The following FOXRED2 variants were observed in gnomAD, a reference collection of about 807,000 sequenced individuals.
The protein encoded by FOXRED2 is FAD-dependent oxidoreductase domain-containing protein 2.
Under a neutral mutation model 52.5 loss-of-function variants are expected in FOXRED2, and 32 were observed. That is an observed-to-expected ratio of 0.61 (90% CI 0.46 to 0.82). The LOEUF (loss-of-function observed/expected upper bound fraction) is 0.82, where lower values mean the gene tolerates loss of function less well. Ranked by LOEUF, FOXRED2 falls within the 40% of genes least tolerant of loss-of-function variation. The pLI is 0.00. For missense variants in FOXRED2, 848 were observed against 937.5 expected (o/e 0.90, Z 1.25); for synonymous variants, 405 against 398.1 (o/e 1.02, Z -0.21).
chr22:36,492,346 C>T (rs886140390), intron 8 of FOXRED2, among the ~76,000 whole-genome samples: 5 of 152,168 alleles, frequency 3.3e-5, no homozygotes, highest in African/African-American at 4.8e-5. Context: ...GCCAGCTGGC[C>T]GCCTGCTGGG....
Position 36,504,322 on chromosome 22 carries a change from C to G in FOXRED2, c.825G>C (p.Leu275=). ...TCAGGTCAGACTCGAGCAGCCCGTC[C>G]AGGGACTTGAGCTGGTAGGTATCCA... The part of the protein sequence containing the change: ...GLLDTYQLKS[L]DGLLESDLTD... The change falls in exon 4 of 9, where the codon CTG becomes CTC. Residue 275 remains leucine (L), a synonymous_variant. Coordinates refer to ENST00000397224, the MANE Select transcript of FOXRED2 (RefSeq NM_001102371.2). 6.2e-7 allele frequency: 1 copy of G among 1,614,146 alleles called. No homozygotes were observed. The highest frequency in any genetic ancestry group is 8.5e-7 in the Non-Finnish European group (1 of 1,180,042).
At chr22:36,500,790 C>T (rs902450306) in intron 5 of FOXRED2, among the ~76,000 whole-genome samples, 1 of 151,936 alleles carries the variant, frequency 6.6e-6, no homozygotes, top group Non-Finnish European at 1.5e-5. Flanking sequence ...CGCCGTGTTG[C>T]CCAGGCTGGT....
rs1934145371 is a variant in FOXRED2, at chr22:36,504,617, A to G, written c.677T>C (p.Phe226Ser). 1 of 1,614,068 alleles carries G rather than the reference A, an allele frequency of 6.2e-7. No homozygotes were observed. The highest frequency in any genetic ancestry group is 1.3e-5 in the African/African-American group (1 of 74,924). ...VLILGRGNSA[F>S]ETAENILGVT... ...ACCCAAGATGTTCTCTGCTGTCTCA[A>G]AGGCCGAGTTCCCACGACCCAGGAT... The change falls in exon 3 of 9, where the codon TTT becomes TCT. Residue 226 changes from phenylalanine to serine, a missense_variant. Physicochemically the swap from Phe to Ser is radical, Grantham distance 155 (BLOSUM62 -2). Coordinates refer to ENST00000397224, the MANE Select transcript of FOXRED2 (RefSeq NM_001102371.2).
rs138743624 is a variant in FOXRED2, at chr22:36,498,064, C to G, written c.1309G>C (p.Val437Leu). Residue 437 changes from valine (V) to leucine (L), a missense_variant, in exon 6 of 9, where the codon GTG (valine) becomes CTG (leucine). Transcript: ENST00000397224. ...LPITQLTSSI[V>L]RRVNEASGLY... The stretch of plus-strand genomic sequence containing the variant: ...CCAGAAGCCTCATTCACGCGCCGCA[C>G]GATGGAGCTGGTCAGCTGTGTGATG... The G allele has an allele frequency of 1.9e-6, 3 of 1,614,046 alleles. No individual in the cohort carries two copies. Among genetic ancestry groups the G allele is most frequent in the East Asian group, 4.5e-5 (2 of 44,884 alleles).
At chr22:36,497,849 C>T in intron 6 of FOXRED2, 142 bp downstream of exon 6, 1 of 892,940 alleles carries the variant, frequency 1.1e-6, no homozygotes, top group South Asian at 1.7e-5. Context: ...CATTGTTTTT[C>T]CCCAGAACAG....
intron 8 of FOXRED2, among the ~76,000 whole-genome samples, chr22:36,493,228 G>A (rs1173972460): frequency 1.3e-5 from 2 of 152,140 alleles, no homozygotes; most frequent in Non-Finnish European, 2.9e-5. Flanking sequence ...GGATCACGAG[G>A]TCAGTTCGAG....
intron 7 of FOXRED2, 128 bp downstream of exon 7, chr22:36,495,839 G>T: frequency 9.7e-7 from 1 of 1,033,824 alleles, no homozygotes; most frequent in Non-Finnish European, 1.4e-6. Context: ...GTGGTCTCTA[G>T]GCAGAGTCCC....
Position 36,488,087 on chromosome 22 carries a change from A to T in FOXRED2, c.*1921T>A, listed in dbSNP as rs1603491429. The stretch of plus-strand genomic sequence containing the variant: ...AGCCTGGGTGACAAGAGCGAAATCC[A>T]TTGCAAAAAAAAAAAAAAAGAAAAA... On this transcript the variant is annotated 3_prime_UTR_variant, in exon 9 of 9. Transcript: ENST00000397224. 1 of 89,874 alleles carries T rather than the reference A, an allele frequency of 1.1e-5. No homozygotes were observed. The highest frequency in any genetic ancestry group is 2.8e-4 in the South Asian group (1 of 3,520). 5.6% of individuals were successfully genotyped at this position (89,874 alleles called of 1,614,324 possible).
intron 8 of FOXRED2, among the ~76,000 whole-genome samples, chr22:36,492,358 G>A (rs1933779046): frequency 6.6e-6 from 1 of 152,190 alleles, no homozygotes; most frequent in Non-Finnish European, 1.5e-5. Context: ...CCTGCTGGGC[G>A]GATTCTCTCC....
intron 8 of FOXRED2, among the ~76,000 whole-genome samples, chr22:36,492,744 C>G (rs1000195269): frequency 1.3e-5 from 2 of 152,176 alleles, no homozygotes; most frequent in African/African-American, 4.8e-5. Context: ...TCTCGAACTC[C>G]TGACCTCAGG....
chr22:36,502,778 C>A (rs1934090796), intron 4 of FOXRED2, among the ~76,000 whole-genome samples: 1 of 152,060 alleles, frequency 6.6e-6, no homozygotes, highest in Admixed American at 6.6e-5. Flanking sequence ...CTGCAACCTC[C>A]ACCTCCCAGG....
chr22:36,495,879 T>C, intron 7 of FOXRED2, 88 bp downstream of exon 7: 2 of 1,436,562 alleles, frequency 1.4e-6, no homozygotes. Context: ...GCTGAGCATG[T>C]GTGTGAAGGT....
Position 36,504,766 on chromosome 22 carries a change from G to A in FOXRED2, c.528C>T (p.Ser176=), listed in dbSNP as rs756611081. The A allele has an allele frequency of 6.2e-6, 10 of 1,613,842 alleles. No homozygotes were observed. The highest frequency in any genetic ancestry group is 2.7e-5 in the African/African-American group (2 of 74,920). The change falls in exon 3 of 9, where the codon AGC becomes AGT. Residue 176 remains serine, a splice_region_variant and synonymous_variant. Transcript: ENST00000397224. ...ATAAACCAGTGGCTACAAAGAGGAC[G>A]CTGCAGGCGGGGACAGAGGAAAGAT... is the stretch of plus-strand genomic sequence containing the variant. ...TDQKGQVHQC[S]VLFVATGLSV...
At chr22:36,495,341 C>T in intron 7 of FOXRED2, among the ~76,000 whole-genome samples, 1 of 152,280 alleles carries the variant, frequency 6.6e-6, no homozygotes, top group South Asian at 2.1e-4. Flanking sequence ...GGGAACAACC[C>T]CTGTTTAAAC....
chr22:36,506,494 G>T (rs1934204741), intron 1 of FOXRED2, 71 bp from the exon 2 acceptor site: 1 of 1,346,680 alleles, frequency 7.4e-7, no homozygotes, highest in Non-Finnish European at 9.7e-7. Flanking sequence ...CCAGAAAGAG[G>T]CGGGGCCTGC....
chr22:36,490,241 G>A lies in FOXRED2; in HGVS notation c.1822C>T (p.Arg608Cys), dbSNP rs202049182. The A allele has an allele frequency of 9.9e-6, 16 of 1,611,724 alleles. No homozygotes were observed. Among genetic ancestry groups the A allele is most frequent in the African/African-American group, 4.0e-5 (3 of 75,014 alleles). ...TGGCAAAAGGGTGGCAACTTCTGGC[G>A]CGTGAGGGCGAACAGGAAGCAGGAC... ...AESCFLFALT[R>C]QKLPPFCQQG... Residue 608 changes from arginine to cysteine, a missense_variant, in exon 9 of 9, where the codon CGC (arginine) becomes TGC (cysteine). Arg to Cys is a radical substitution (Grantham distance 180, BLOSUM62 -3). Transcript: ENST00000397224.
chr22:36,499,588 T>C (rs993357494), intron 5 of FOXRED2, among the ~76,000 whole-genome samples: 1 of 152,116 alleles, frequency 6.6e-6, no homozygotes, highest in African/African-American at 2.4e-5. Flanking sequence ...ATGGCGCCAT[T>C]GTACTCCAGC....
intron 5 of FOXRED2, among the ~76,000 whole-genome samples, chr22:36,499,990 G>C (rs964930935): frequency 5.3e-5 from 8 of 152,012 alleles, no homozygotes; most frequent in African/African-American, 1.9e-4. Flanking sequence ...AAGTAGAGGT[G>C]GGATTTCACC....
rs146608926 is a variant in FOXRED2 at position 36,504,139 on chromosome 22, G to C, written c.1008C>G (p.Ile336Met). ...FAMRVPYDRVIRCLGWNFDFS... is the reference protein window; with the variant it reads ...FAMRVPYDRVMRCLGWNFDFS... ...AGTCAAAGTTCCAGCCCAGGCAGCG[G>C]ATTACCCGGTCATAGGGCACGCGCA... Residue 336 changes from isoleucine to methionine, a missense_variant, in exon 4 of 9, where the codon ATC becomes ATG. Physicochemically the swap from Ile to Met is conservative, Grantham distance 10 (BLOSUM62 1). Coordinates refer to ENST00000397224, the MANE Select transcript of FOXRED2 (RefSeq NM_001102371.2). 2,895 of 1,614,240 alleles carry C rather than the reference G, an allele frequency of 1.8e-3. 4 individuals are homozygous for C. The highest frequency in any genetic ancestry group is 2.2e-3 in the Non-Finnish European group (2,589 of 1,180,030).
Sources: allele counts gnomAD v4.1 joint callset (sites outside exome capture counted in the v4.1 genomes callset), GRCh38; gene constraint gnomAD v4.1.1; transcripts MANE v1.5; gene names NCBI Gene and HGNC (gene_info 2026-07-23, HGNC 2026-07-21).